Variants in STS observed in about 807,000 individuals in gnomAD.
STS encodes the protein steroid sulfatase.
STS carries 7 observed loss-of-function variants against 26.8 expected under a neutral mutation model. That is an observed-to-expected ratio of 0.26 (90% CI 0.15 to 0.49). The LOEUF is 0.49. Ranked by LOEUF, STS falls within the 20% of genes least tolerant of loss-of-function variation. The pLI is 0.98. For synonymous variants in STS, 199 were observed against 189.4 expected, an observed-to-expected ratio of 1.05 and a Z score of -0.42; for missense variants, 434 against 465.6, an observed-to-expected ratio of 0.93 and a Z score of 0.63.
intron 2 of STS, among the ~76,000 whole-genome samples, chrX:7,243,029 G>A (rs1201340488): frequency 2.7e-5 from 3 of 112,508 alleles, no homozygotes; most frequent in Non-Finnish European, 5.6e-5. Context: ...CTCCTAACAA[G>A]TTACATTTGT....
intron 5 of STS, 36 bp from the exon 6 acceptor site, chrX:7,259,313 A>G (rs375178701): frequency 2.9e-4 from 341 of 1,177,477 alleles, no homozygotes; most frequent in Non-Finnish European, 3.1e-4. Context: ...CAGGGTGTTT[A>G]TTGGGACTGA....
At position 7,202,374 on chromosome X, in the gene STS, C is replaced by T. The variant is rs754266958; in HGVS notation, c.-5+11366C>T. ...ACAAAAATGCATATAATATATAAAC[C>T]ACTCTATTGACTACCTCTCTATCAG... is the stretch of plus-strand genomic sequence containing the variant. On this transcript the variant is annotated intron_variant, in intron 2 of 10. Transcript: ENST00000674429. 1.5e-4 allele frequency among the ~76,000 whole-genome samples: 17 copies of T among 110,627 alleles called. No homozygotes were observed. The East Asian group carries it at 4.9e-3, about 32-fold the overall frequency.
At chrX:7,286,141 A>G (rs1465415811) in intron 7 of STS, among the ~76,000 whole-genome samples, 1 of 111,856 alleles carries the variant, frequency 8.9e-6, no homozygotes, top group Non-Finnish European at 1.9e-5. Context: ...GTGTGTGTGT[A>G]TGTATGTGTG....
At chrX:7,296,302 CA>C (rs1157890187) in intron 7 of STS, among the ~76,000 whole-genome samples, 3 of 112,114 alleles carry the variant, frequency 2.7e-5, no homozygotes, top group African/African-American at 9.7e-5. Context: ...ATGGCCATAC[CA>C]AACAGCAAAT....
At chrX:7,290,302 T>A (rs1423936656) in intron 7 of STS, among the ~76,000 whole-genome samples, 2 of 111,331 alleles carry the variant, frequency 1.8e-5, no homozygotes, top group Non-Finnish European at 3.8e-5. Context: ...CTTCTTGTGT[T>A]CACTGTCACA....
chrX:7,148,501 A>AG (rs1378141704), intron 1 of STS, among the ~76,000 whole-genome samples: 2 of 112,853 alleles, frequency 1.8e-5, no homozygotes, highest in Non-Finnish European at 3.8e-5. Flanking sequence ...ATGAGGAAGG[A>AG]GGGACAGTAC....
intron 2 of STS, chrX:7,252,172 C>A: frequency 2.7e-6 from 1 of 371,149 alleles, no homozygotes. Context: ...AGATGAGAAA[C>A]AGAAAGAGAA....
At chrX:7,286,159 A>G (rs1925123409) in intron 7 of STS, among the ~76,000 whole-genome samples, 1 of 112,047 alleles carries the variant, frequency 8.9e-6, no homozygotes, top group South Asian at 3.7e-4. Flanking sequence ...GTGTGTTTAC[A>G]CATGATATTT....
chrX:7,176,779 T>C (rs1272515844), intron 1 of STS, among the ~76,000 whole-genome samples: 2 of 111,201 alleles, frequency 1.8e-5, no homozygotes, highest in Admixed American at 1.9e-4. Flanking sequence ...ACCCCCATGA[T>C]TCAAGTACCT....
intron 1 of STS, among the ~76,000 whole-genome samples, chrX:7,182,852 C>A (rs1214992611): frequency 9.1e-6 from 1 of 110,210 alleles, no homozygotes; most frequent in African/African-American, 3.3e-5. Context: ...CTGAATAGTC[C>A]CCCCAAAATC....
chrX:7,243,835 AGGT>A (rs1400720487), intron 2 of STS, among the ~76,000 whole-genome samples: 1 of 111,553 alleles, frequency 9.0e-6, no homozygotes, highest in African/African-American at 3.3e-5. Context: ...AGGCCGAGGC[AGGT>A]GGATCACTTG....
chrX:7,250,229 A>G (rs1194075427), intron 2 of STS, among the ~76,000 whole-genome samples: 6 of 110,872 alleles, frequency 5.4e-5, no homozygotes, highest in Non-Finnish European at 9.4e-5. Context: ...TGACCAGCCA[A>G]TCTCTCTGAG....
intron 6 of STS, among the ~76,000 whole-genome samples, chrX:7,270,346 A>C (rs905314669): frequency 8.9e-6 from 1 of 111,803 alleles, no homozygotes; most frequent in African/African-American, 3.3e-5. Flanking sequence ...GTTTGAAGCA[A>C]ATGGTCTTTC....
At chrX:7,279,292 AATAT>A (rs1187465371) in intron 7 of STS, among the ~76,000 whole-genome samples, 1 of 62,781 alleles carries the variant, frequency 1.6e-5, no homozygotes, top group Non-Finnish European at 3.0e-5. Context: ...AAAAAAAAAA[AATAT>A]ATATATATAT....
intron 8 of STS, among the ~76,000 whole-genome samples, chrX:7,305,533 T>A (rs1177915779): frequency 8.9e-6 from 1 of 112,256 alleles, no homozygotes; most frequent in Non-Finnish European, 1.9e-5. Context: ...TAAAACAAAT[T>A]TATGAACTTA....
chrX:7,299,340 A>G (rs769400577), intron 7 of STS, among the ~76,000 whole-genome samples: 101 of 99,879 alleles, frequency 1.0e-3, no homozygotes, highest in African/African-American at 3.4e-3. Context: ...ATATTATAAA[A>G]CATAATTTAC....
chrX:7,261,368 A>G (rs1312461967), intron 6 of STS, among the ~76,000 whole-genome samples: 1 of 112,380 alleles, frequency 8.9e-6, no homozygotes, highest in Non-Finnish European at 1.9e-5. Context: ...AATGACAATG[A>G]AAAGGAAGTT....
At chrX:7,194,371 CTA>C (rs777416362) in intron 2 of STS, among the ~76,000 whole-genome samples, 144 of 111,492 alleles carry the variant, frequency 1.3e-3, no homozygotes, top group Non-Finnish European at 2.3e-3. Flanking sequence ...GTGATGTTAT[CTA>C]TAGGGGCAAT....
intron 2 of STS, among the ~76,000 whole-genome samples, chrX:7,206,213 G>C (rs985637683): frequency 8.0e-5 from 9 of 111,930 alleles, no homozygotes; most frequent in Admixed American, 1.9e-4. Flanking sequence ...CTCTCTCTCA[G>C]TCTCTTCCTC....
Sources: allele counts gnomAD v4.1 joint callset (sites outside exome capture counted in the v4.1 genomes callset), GRCh38; gene constraint gnomAD v4.1.1; transcripts MANE v1.5; gene names NCBI Gene and HGNC (gene_info 2026-07-23, HGNC 2026-07-21).